AMY2B: variants seen among roughly 807,000 people sequenced by gnomAD.
AMY2B encodes alpha-amylase 2B.
A neutral mutation model predicts 59.3 loss-of-function variants in AMY2B; 63 were observed. The ratio of observed to expected loss-of-function variants is 1.06; its 90% confidence interval spans 0.87 to 1.31. AMY2B has a LOEUF of 1.31. AMY2B is among the 50% of genes most tolerant of loss of function. AMY2B has a pLI of 0.00. For synonymous variants in AMY2B, 180 were observed against 198.1 expected (o/e 0.91, Z 0.77); for missense variants, 635 against 626.7 (o/e 1.01, Z -0.14).
Position 103,571,763 on chromosome 1 carries a change from G to A in AMY2B, c.161G>A (p.Gly54Glu), listed in dbSNP as rs996197621. Reference protein sequence around the residue: ...ERYLAPKGFGGVQVSPPNENV... With the variant: ...ERYLAPKGFGEVQVSPPNENV... Reference sequence around the variant, plus strand: ...TATTTAGCTCCCAAGGGATTTGGAGGGGTTCAGGTGGGTATGATTCATAGT... The same window carrying A: ...TATTTAGCTCCCAAGGGATTTGGAGAGGTTCAGGTGGGTATGATTCATAGT... The change falls in exon 1 of 10, where the codon GGG (glycine) becomes GAG (glutamate). Residue 54 changes from glycine (G) to glutamate (E), a missense_variant. Coordinates refer to ENST00000684275, the MANE Select transcript of AMY2B (RefSeq NM_001387437.1). 1.2e-6 allele frequency: 2 copies of A among 1,611,872 alleles called. No individual in the cohort carries two copies. The highest frequency in any genetic ancestry group is 1.3e-5 in the African/African-American group (1 of 74,936).
intron 1 of AMY2B, among the ~76,000 whole-genome samples, chr1:103,562,457 T>C (rs571789045): frequency 6.6e-6 from 1 of 152,256 alleles, no homozygotes; most frequent in South Asian, 2.1e-4. Context: ...TGGTTGAAGG[T>C]TTACTATTTT....
intron 1 of AMY2B, 132 bp from the exon 2 acceptor site, chr1:103,571,978 T>A: frequency 1.3e-6 from 2 of 1,545,712 alleles, no homozygotes; most frequent in Non-Finnish European, 1.7e-6. Flanking sequence ...CCCTCCAATG[T>A]GCTGTTAATA....
intron 6 of AMY2B, 44 bp from the exon 7 acceptor site, chr1:103,575,397 T>A (rs1156879763): frequency 6.2e-7 from 1 of 1,612,694 alleles, no homozygotes; most frequent in Non-Finnish European, 8.5e-7. Flanking sequence ...ATGATGGTAA[T>A]GATATTCTGA....
At position 103,563,210 on chromosome 1, in the gene AMY2B, C is replaced by T. The variant is rs2101063679; in HGVS notation, c.-206-2225C>T. On this transcript the variant is annotated intron_variant, in intron 1 of 11. Coordinates refer to the AMY2B transcript ENST00000361355. ...TTGTCGTCAGGATATTATCAAATGTCCTATTTCATATTCTTAGGGAATTCC... is the reference window on the plus strand; with the variant it reads ...TTGTCGTCAGGATATTATCAAATGTTCTATTTCATATTCTTAGGGAATTCC... Among the ~76,000 whole-genome samples the T allele has an allele frequency of 2.0e-5, 3 of 152,090 alleles. No homozygotes were observed. In the South Asian group the frequency reaches 6.2e-4, roughly 32 times the overall value.
chr1:103,565,753 A>G (rs963616275), intron 2 of AMY2B, among the ~76,000 whole-genome samples: 4 of 152,176 alleles, frequency 2.6e-5, no homozygotes, highest in African/African-American at 7.2e-5. Context: ...GAGACTTTAT[A>G]TAGGTATGGA....
upstream of AMY2B, chr1:103,568,230 A>G (rs1651976353): frequency 6.6e-6 from 1 of 152,214 alleles, no homozygotes; most frequent in Non-Finnish European, 1.5e-5. Flanking sequence ...AAGCAGACAC[A>G]CACTTAACAC....
At chr1:103,558,645 C>T (rs998000433) in intron 1 of AMY2B, among the ~76,000 whole-genome samples, 2 of 151,936 alleles carry the variant, frequency 1.3e-5, no homozygotes, top group Non-Finnish European at 2.9e-5. Context: ...TGCTTGTAAT[C>T]CCAACAACTT....
At chr1:103,554,663 G>C (rs1183447998), upstream of AMY2B, 1 of 152,500 alleles carries the variant, frequency 6.6e-6, no homozygotes, top group African/African-American at 2.4e-5. Context: ...TAGGTACCTA[G>C]TATCAACCTA....
At chr1:103,577,437 G>C in intron 7 of AMY2B, 53 bp from the exon 8 acceptor site, 2 of 1,611,428 alleles carry the variant, frequency 1.2e-6, no homozygotes, top group Admixed American at 1.7e-5. Flanking sequence ...TAAAGGAGAA[G>C]GAAGAGGTAA....
intron 4 of AMY2B, 48 bp from the exon 5 acceptor site, chr1:103,574,212 C>T (rs1272549058): frequency 6.2e-7 from 1 of 1,611,026 alleles, no homozygotes; most frequent in South Asian, 1.1e-5. Context: ...GGTTAAAATG[C>T]TTTAAAGTCC....
Position 103,575,360 on chromosome 1 carries a change from T to C in AMY2B, c.1001+15T>C. On this transcript the variant is annotated intron_variant, in intron 6 of 9. Coordinates refer to ENST00000684275, the MANE Select transcript of AMY2B (RefSeq NM_001387437.1). ...TGGGATGCTAGGTAGAAAACCAAGT[T>C]CTCTATTTTTTTTAACACATCTTTT... 6.2e-7 allele frequency: 1 copy of C among 1,612,942 alleles called. No homozygotes were observed. The highest frequency in any genetic ancestry group is 8.5e-7 in the Non-Finnish European group (1 of 1,179,570).
At position 103,573,708 on chromosome 1, in the gene AMY2B, G is replaced by A. The variant is rs1306786146; in HGVS notation, c.514G>A (p.Val172Ile). 1.2e-6 allele frequency: 2 copies of A among 1,613,508 alleles called. No homozygotes were observed. The highest frequency in any genetic ancestry group is 2.7e-5 in the African/African-American group (2 of 74,886). ...DIENYNDATQ[V>I]RDCRLVGLLD... ...AATCATAACATTTTTACCTCAACAG[G>A]TCAGAGATTGTCGTCTGGTTGGTCT... The change falls in exon 4 of 10, where the codon GTC becomes ATC. Residue 172 changes from valine to isoleucine, a missense_variant and splice_region_variant. Transcript: ENST00000684275.
upstream of AMY2B, chr1:103,570,334 C>T: frequency 1.5e-6 from 1 of 671,918 alleles, no homozygotes; most frequent in Non-Finnish European, 2.8e-6. Context: ...AGACGCTGTT[C>T]CAGCCTTCCT....
At chr1:103,567,076 A>G (rs1225605798), upstream of AMY2B, among the ~76,000 whole-genome samples, 5 of 152,182 alleles carry the variant, frequency 3.3e-5, no homozygotes, top group Admixed American at 6.5e-5. Flanking sequence ...GAAGTCAAAT[A>G]TAGCTTAATG....
intron 1 of AMY2B, among the ~76,000 whole-genome samples, chr1:103,559,220 A>G (rs1202431238): frequency 6.6e-6 from 1 of 152,186 alleles, no homozygotes; most frequent in Non-Finnish European, 1.5e-5. Context: ...TAAGTTTATT[A>G]TGCCATATTT....
chr1:103,578,403 C>T (rs1212073654), intron 9 of AMY2B, among the ~76,000 whole-genome samples: 339 of 151,066 alleles, frequency 2.2e-3, no homozygotes, highest in African/African-American at 8.2e-3. Flanking sequence ...AGTTTTAGTT[C>T]CGAAACTTCT....
chr1:103,575,833 T>C, intron 7 of AMY2B: 1 of 309,624 alleles, frequency 3.2e-6, no homozygotes, highest in Non-Finnish European at 5.8e-6. Flanking sequence ...AAATATATAC[T>C]TCGAATAAGT....
intron 1 of AMY2B, among the ~76,000 whole-genome samples, chr1:103,557,148 G>A (rs575186150): frequency 1.4e-4 from 21 of 149,852 alleles, no homozygotes; most frequent in Middle Eastern, 3.4e-3. Flanking sequence ...GCGTGCGCGC[G>A]CGCACACACA....
intron 1 of AMY2B, among the ~76,000 whole-genome samples, chr1:103,555,670 G>A (rs1234653554): frequency 6.6e-6 from 1 of 152,094 alleles, no homozygotes; most frequent in African/African-American, 2.4e-5. Context: ...ACTTGACGTT[G>A]ACAAACTTGG....
Sources: gnomAD v4.1 joint callset for allele counts (sites outside exome capture counted in the v4.1 genomes callset) on GRCh38, gnomAD v4.1.1 for gene constraint, MANE v1.5 for transcripts, NCBI Gene and HGNC (gene_info 2026-07-23, HGNC 2026-07-21) for gene names.